Variants in KCTD10 observed in about 807,000 individuals in gnomAD.
KCTD10 encodes the protein potassium channel tetramerization domain containing 10.
KCTD10 carries 13 observed loss-of-function variants against 34.6 expected under a neutral mutation model. The ratio of observed to expected loss-of-function variants is 0.38; its 90% CI spans 0.24 to 0.60. The LOEUF is 0.60. Among genes scored for constraint, KCTD10 ranks in the 20% least tolerant of loss-of-function variants. The probability of loss-of-function intolerance (pLI) is 0.66; values close to 1 mark genes in which losing one functional copy is unlikely to be tolerated. For synonymous variants in KCTD10, 156 were observed against 168.8 expected, an observed-to-expected ratio of 0.92 and a Z score of 0.59; for missense variants, 256 against 420.3, an observed-to-expected ratio of 0.61 and a Z score of 3.42.
chr12:109,463,453 T>G (rs1291078713), intron 2 of KCTD10, among the ~76,000 whole-genome samples: 1 of 152,228 alleles, frequency 6.6e-6, no homozygotes, highest in Non-Finnish European at 1.5e-5. Flanking sequence ...CCTTTGAAAG[T>G]CAGCTCAAAT....
intron 6 of KCTD10, among the ~76,000 whole-genome samples, chr12:109,454,885 T>C (rs1292280634): frequency 6.6e-6 from 1 of 152,230 alleles, no homozygotes; most frequent in African/African-American, 2.4e-5. Context: ...TTGTTCCTTA[T>C]TAAGCTCTAA....
chr12:109,458,532 G>A (rs1418297928), intron 3 of KCTD10: 1 of 156,484 alleles, frequency 6.4e-6, no homozygotes, highest in African/African-American at 2.4e-5. Context: ...GGTCACAGGT[G>A]AGCGTTAACC....
At chr12:109,462,474 A>C (rs1249721407) in intron 2 of KCTD10, among the ~76,000 whole-genome samples, 7 of 152,248 alleles carry the variant, frequency 4.6e-5, no homozygotes, top group Admixed American at 4.6e-4. Flanking sequence ...ATGGTAAATC[A>C]CATCACCCTG....
chr12:109,462,639 C>T (rs1052428216), intron 2 of KCTD10, among the ~76,000 whole-genome samples: 1 of 152,232 alleles, frequency 6.6e-6, no homozygotes, highest in Non-Finnish European at 1.5e-5. Flanking sequence ...GCTGACAGGA[C>T]AGCATCTGCC....
rs1872722795 is a variant in KCTD10 at position 109,450,600 on chromosome 12, G to A, written c.*995C>T. 2 of 386,196 alleles carry A rather than the reference G, an allele frequency of 5.2e-6. No homozygotes were observed. The allele number at this position is 386,196 out of a possible 1,614,324, so 23.9% of individuals were successfully genotyped here. A position where few individuals can be genotyped will look rare whatever the true frequency, so the allele number is the denominator to read the frequency against. ...GTGTCCCTGCCTGGATGCCAGGCTG[G>A]GAGGACAAAGGGTATGGGCCACACT... is the stretch of plus-strand genomic sequence containing the variant. On this transcript the variant is annotated 3_prime_UTR_variant, in exon 7 of 7. Coordinates refer to ENST00000228495, the MANE Select transcript of KCTD10 (RefSeq NM_031954.5).
intron 4 of KCTD10, 91 bp from the exon 5 acceptor site, chr12:109,457,773 TGC>T: frequency 7.4e-7 from 1 of 1,349,150 alleles, no homozygotes; most frequent in Non-Finnish European, 1.1e-6. Context: ...GGCCCTGCCC[TGC>T]ATCAGAAGAG....
In KCTD10 at chr12:109,457,836, G is replaced by A. The variant is rs1873103994; in HGVS notation, c.475-154C>T. Reference sequence around the variant, plus strand: ...GAGAGGGGGACCACATGACCCAATAGCAGGGGCACAAAAGATGACCTGTAG... The same window carrying A: ...GAGAGGGGGACCACATGACCCAATAACAGGGGCACAAAAGATGACCTGTAG... On this transcript the variant is annotated intron_variant, in intron 4 of 6. Coordinates refer to ENST00000228495, the MANE Select transcript of KCTD10 (RefSeq NM_031954.5). 1.4e-5 allele frequency: 14 copies of A among 990,174 alleles called. No individual in the cohort carries two copies. In the South Asian group the frequency reaches 1.7e-4, roughly 12 times the overall value. The allele number at this position is 990,174 out of a possible 1,614,324, so 61.3% of individuals were successfully genotyped here.
Position 109,477,241 on chromosome 12 carries a change from T to G in KCTD10, c.3+19A>C, listed in dbSNP as rs200838466. ...TCGGCCGCCCTCAACCCCTAGTCCA[T>G]GGGCACCGCCCTCCCTACCATGAAA... On this transcript the variant is annotated intron_variant, in intron 1 of 6. Coordinates refer to ENST00000228495, the MANE Select transcript of KCTD10 (RefSeq NM_031954.5). 6 of 1,613,644 alleles carry G rather than the reference T, an allele frequency of 3.7e-6. No homozygotes were observed. The highest frequency in any genetic ancestry group is 2.7e-5 in the African/African-American group (2 of 75,016).
Position 109,460,815 on chromosome 12 carries a change from G to C in KCTD10, c.218-10C>G. 2.5e-6 allele frequency: 4 copies of C among 1,613,342 alleles called. No individual in the cohort carries two copies. Among genetic ancestry groups the C allele is most frequent in the Non-Finnish European group, 3.4e-6 (4 of 1,179,478 alleles). On this transcript the variant is annotated splice_polypyrimidine_tract_variant and intron_variant, in intron 2 of 6. Transcript: ENST00000228495. This position sits in a 1 kb window ranked among gnomAD's most constrained non-coding sequence, Gnocchi z 4.5. ...TCAATGAGGATCCAGCCTGCAGAGG[G>C]AGGAGGCAGGGGCTGGTTACATGGG...
intron 1 of KCTD10, 67 bp downstream of exon 1, chr12:109,477,193 T>C (rs1727778114): frequency 6.2e-6 from 10 of 1,601,832 alleles, no homozygotes; most frequent in Non-Finnish European, 8.5e-6. Flanking sequence ...TCCCTTCTTA[T>C]ACTCTGCTGC....
intron 4 of KCTD10, 134 bp from the exon 5 acceptor site, chr12:109,457,816 G>A: frequency 2.7e-6 from 3 of 1,095,206 alleles, no homozygotes; most frequent in Non-Finnish European, 4.2e-6. Flanking sequence ...GGCTGGAGAG[G>A]GGGACCACAT....
chr12:109,469,091 G>A (rs981716448), intron 2 of KCTD10: 3 of 214,630 alleles, frequency 1.4e-5, no homozygotes, highest in Admixed American at 5.2e-5. Context: ...TGGCCCCACG[G>A]GGGAGGGTAT....
chr12:109,475,610 C>T (rs932022852), intron 1 of KCTD10, among the ~76,000 whole-genome samples: 4 of 152,158 alleles, frequency 2.6e-5, no homozygotes, highest in Non-Finnish European at 5.9e-5. Flanking sequence ...TTGGGGGATT[C>T]GGATGTGGGA....
Position 109,459,114 on chromosome 12 carries a change from A to C in KCTD10, c.388-1036T>G, listed in dbSNP as rs538870616. On this transcript the variant is annotated intron_variant, in intron 3 of 6. Coordinates refer to ENST00000228495, the MANE Select transcript of KCTD10 (RefSeq NM_031954.5). Reference sequence around the variant, plus strand: ...AATCATCAGACAGTTGAGAGCAGATACGGCCTCCTAGGAAACAAGATGAGC... The same window carrying C: ...AATCATCAGACAGTTGAGAGCAGATCCGGCCTCCTAGGAAACAAGATGAGC... The C allele has an allele frequency of 3.9e-5, 6 of 152,304 alleles. No individual in the cohort carries two copies. The East Asian group carries it at 1.2e-3, about 29-fold the overall frequency. The allele number at this position is 152,304 out of a possible 1,614,324, so 9.4% of individuals were successfully genotyped here. A position where few individuals can be genotyped will look rare whatever the true frequency, so the allele number is the denominator to read the frequency against.
At chr12:109,464,696 T>A (rs1285516828) in intron 2 of KCTD10, 2 of 347,990 alleles carry the variant, frequency 5.7e-6, no homozygotes, top group African/African-American at 4.3e-5. Context: ...AAGATTAAAC[T>A]CAAAAGAGCA....
At chr12:109,458,161 C>T (rs959254566) in intron 3 of KCTD10, 83 bp from the exon 4 acceptor site, 19 of 1,076,306 alleles carry the variant, frequency 1.8e-5, no homozygotes, top group African/African-American at 4.7e-5. Flanking sequence ...CAGGCTCTGG[C>T]GAGGGGAGAT....
chr12:109,477,247 C>G lies in KCTD10; in HGVS notation c.3+13G>C. The G allele has an allele frequency of 6.2e-7, 1 of 1,613,888 alleles. No individual in the cohort carries two copies. ...GCCCTCAACCCCTAGTCCATGGGCA[C>G]CGCCCTCCCTACCATGAAAAGTCGG... On this transcript the variant is annotated intron_variant, in intron 1 of 6. Transcript: ENST00000228495.
In KCTD10 at chr12:109,451,884, A is replaced by G; in HGVS notation, c.724-71T>C. The G allele has an allele frequency of 7.4e-7, 1 of 1,353,990 alleles. No individual in the cohort carries two copies. Among genetic ancestry groups the G allele is most frequent in the Middle Eastern group, 1.9e-4 (1 of 5,244 alleles). 83.9% of individuals were successfully genotyped at this position (1,353,990 alleles called of 1,614,324 possible). On this transcript the variant is annotated intron_variant, in intron 6 of 6. Coordinates refer to ENST00000228495, the MANE Select transcript of KCTD10 (RefSeq NM_031954.5). The surrounding 1 kb of genome is among the most constrained non-coding windows in gnomAD (Gnocchi z 5.0). ...CTCTGCCAACACCTGGACTTTAAGC[A>G]GGGCCGCCAGGCTAAATCAGGCCCC...
intron 1 of KCTD10, among the ~76,000 whole-genome samples, chr12:109,473,111 GGTCA>G (rs1873968543): frequency 6.6e-6 from 1 of 152,152 alleles, no homozygotes; most frequent in Non-Finnish European, 1.5e-5. Flanking sequence ...GCCCCATCAG[GGTCA>G]GTCACTCTCA....
Sources: allele counts gnomAD v4.1 joint callset (sites outside exome capture counted in the v4.1 genomes callset), GRCh38; gene constraint gnomAD v4.1.1; non-coding constraint Gnocchi (gnomAD v3.1); transcripts MANE v1.5; gene names NCBI Gene and HGNC (gene_info 2026-07-23, HGNC 2026-07-21).